Variants in DDX1 observed in about 807,000 individuals in gnomAD.
DDX1 encodes the protein DEAD-box helicase 1.
In DDX1, 28 loss-of-function variants were observed where a neutral mutation model predicts 108.7. The ratio of observed to expected loss-of-function variants is 0.26; its 90% confidence interval spans 0.19 to 0.35. DDX1 has a LOEUF of 0.35. Among genes scored for constraint, DDX1 ranks in the 10% least tolerant of loss-of-function variants. The pLI, the probability that DDX1 is intolerant of heterozygous loss-of-function variation, is 1.00. For missense variants in DDX1, 710 were observed against 884.5 expected, an observed-to-expected ratio of 0.80 and a Z score of 2.50; for synonymous variants, 295 against 288.9, an observed-to-expected ratio of 1.02 and a Z score of -0.21.
chr2:15,612,231 A>G (rs1402725670), intron 13 of DDX1, among the ~76,000 whole-genome samples: 17 of 141,616 alleles, frequency 1.2e-4, no homozygotes, highest in Non-Finnish European at 9.3e-5. Flanking sequence ...CCGGGCGGTG[A>G]CGCTCCTCAC....
chr2:15,612,411 C>T (rs577919306), intron 13 of DDX1, among the ~76,000 whole-genome samples: 3 of 151,276 alleles, frequency 2.0e-5, no homozygotes, highest in East Asian at 2.0e-4. Context: ...GATGGGATGG[C>T]GGCCGGGAAG....
At chr2:15,614,855 C>T (rs1326755193) in intron 14 of DDX1, among the ~76,000 whole-genome samples, 1 of 151,980 alleles carries the variant, frequency 6.6e-6, no homozygotes, top group African/African-American at 2.4e-5. Flanking sequence ...AAGTTTATTC[C>T]CAATCTTGCT....
chr2:15,595,197 G>T lies in DDX1; in HGVS notation c.68+1G>T. ...AAGCTGTGGAAGAGATGGATTGGCTGTAAGTACATAAAGCCTAAATGTACC... is the reference window on the plus strand; with the variant it reads ...AAGCTGTGGAAGAGATGGATTGGCTTTAAGTACATAAAGCCTAAATGTACC... On this transcript the variant is annotated splice_donor_variant, in intron 2 of 25. Coordinates refer to ENST00000233084, the MANE Select transcript of DDX1 (RefSeq NM_004939.3). LOFTEE classifies it high-confidence loss of function. 6.2e-7 allele frequency: 1 copy of T among 1,604,844 alleles called. No individual in the cohort carries two copies. The highest frequency in any genetic ancestry group is 8.5e-7 in the Non-Finnish European group (1 of 1,172,844).
At chr2:15,628,404 T>C (rs1387770323) in intron 20 of DDX1, 41 bp from the exon 21 acceptor site, 1 of 1,426,658 alleles carries the variant, frequency 7.0e-7, no homozygotes, top group Admixed American at 1.7e-5. Context: ...GTTTAGTATA[T>C]GTGCTAACAA....
At position 15,595,516 on chromosome 2, in the gene DDX1, C is replaced by T; in HGVS notation, c.95C>T (p.Ser32Phe). The T allele has an allele frequency of 6.2e-7, 1 of 1,611,550 alleles. No homozygotes were observed. Among genetic ancestry groups the T allele is most frequent in the Non-Finnish European group, 8.5e-7 (1 of 1,177,682 alleles). The change falls in exon 3 of 26, where the codon TCT becomes TTT. Residue 32 changes from serine to phenylalanine, a missense_variant. Around this residue, in one of 3 missense-constraint regions of DDX1, gnomAD observed 48 missense variants for 57.5 expected, o/e 0.83. Transcript: ENST00000233084. Reference protein sequence around the residue: ...WLLPTDIQAESIPLILGGGDV... With the variant: ...WLLPTDIQAEFIPLILGGGDV... ...CTCCCAACTGATATCCAGGCTGAATCTATCCCATTGATCTTAGGAGGAGGT... is the reference window on the plus strand; with the variant it reads ...CTCCCAACTGATATCCAGGCTGAATTTATCCCATTGATCTTAGGAGGAGGT...
At chr2:15,605,916 TGTTTTAA>T in intron 10 of DDX1, 27 bp from the exon 11 acceptor site, 1 of 1,415,300 alleles carries the variant, frequency 7.1e-7, no homozygotes, top group South Asian at 1.4e-5. Flanking sequence ...CTTTTCTGAT[TGTTTTAA>T]TCTCTCTCTC....
At chr2:15,612,217 G>T (rs899162069) in intron 13 of DDX1, among the ~76,000 whole-genome samples, 16 of 151,668 alleles carry the variant, frequency 1.1e-4, no homozygotes, top group Non-Finnish European at 1.6e-4. Context: ...GGACGGGGTG[G>T]CTGCCGGGCG....
At chr2:15,628,030 G>C (rs1210289993) in intron 20 of DDX1, among the ~76,000 whole-genome samples, 1 of 152,012 alleles carries the variant, frequency 6.6e-6, no homozygotes, top group East Asian at 1.9e-4. Context: ...AATTTTGTCT[G>C]TTACAAAAAA....
In DDX1 at chr2:15,621,125, A is replaced by G. The variant is rs757657271; in HGVS notation, c.1447+9A>G. ...TGGTGCTAATAGTCCAGGTGAGTTA[A>G]AAGAGTCAAATGTGTTGAAAGATTT... On this transcript the variant is annotated intron_variant, in intron 18 of 25. Coordinates refer to ENST00000233084, the MANE Select transcript of DDX1 (RefSeq NM_004939.3). 1 of 1,594,794 alleles carries G rather than the reference A, an allele frequency of 6.3e-7. No individual in the cohort carries two copies. Among genetic ancestry groups the G allele is most frequent in the East Asian group, 2.2e-5 (1 of 44,664 alleles).
In DDX1 at chr2:15,617,368, T is replaced by C. The variant is rs764616329; in HGVS notation, c.1116+26T>C. ...GTATGTTGAAATATAATCATACTTT[T>C]TAAAAAGTTTACTTATATTTTTTGA... On this transcript the variant is annotated intron_variant, in intron 15 of 25. Coordinates refer to ENST00000233084, the MANE Select transcript of DDX1 (RefSeq NM_004939.3). The C allele has an allele frequency of 7.9e-6, 11 of 1,390,376 alleles. No homozygotes were observed. The African/African-American group carries it at 1.2e-4, about 15-fold the overall frequency. The allele number at this position is 1,390,376 out of a possible 1,614,324, so 86.1% of individuals were successfully genotyped here.
intron 6 of DDX1, 93 bp downstream of exon 6, chr2:15,599,809 A>C: frequency 3.3e-6 from 3 of 903,986 alleles, no homozygotes; most frequent in South Asian, 3.2e-5. Flanking sequence ...TTAAGATTTA[A>C]TTTACCAGAT....
intron 19 of DDX1, among the ~76,000 whole-genome samples, chr2:15,625,859 T>C (rs1558459835): frequency 6.6e-6 from 1 of 151,852 alleles, no homozygotes; most frequent in African/African-American, 2.4e-5. Flanking sequence ...AAGAATACAT[T>C]ACACTGTTCA....
intron 10 of DDX1, among the ~76,000 whole-genome samples, 170 bp downstream of exon 10, chr2:15,604,679 G>A (rs566221943): frequency 5.9e-4 from 90 of 152,208 alleles, no homozygotes; most frequent in Non-Finnish European, 1.8e-4. Context: ...GGTAAGTACT[G>A]GAGGCACAGA....
chr2:15,608,671 T>TTG (rs1573041903), intron 13 of DDX1, among the ~76,000 whole-genome samples: 1 of 146,008 alleles, frequency 6.8e-6, no homozygotes, highest in Non-Finnish European at 1.5e-5. Flanking sequence ...AGGTTTTTTT[T>TTG]TTTTTTTTTT....
chr2:15,605,933 C>A lies in DDX1; in HGVS notation c.626-17C>A. On this transcript the variant is annotated splice_polypyrimidine_tract_variant and intron_variant, in intron 10 of 25. Coordinates refer to ENST00000233084, the MANE Select transcript of DDX1 (RefSeq NM_004939.3). Reference sequence around the variant, plus strand: ...TTTCTGATTGTTTTAATCTCTCTCTCTCTCTTGTTTTTTAAGGAAAAGATC... The same window carrying A: ...TTTCTGATTGTTTTAATCTCTCTCTATCTCTTGTTTTTTAAGGAAAAGATC... 2.0e-6 allele frequency: 3 copies of A among 1,516,242 alleles called. No individual in the cohort carries two copies. The highest frequency in any genetic ancestry group is 2.7e-6 in the Non-Finnish European group (3 of 1,127,512). 93.9% of individuals were successfully genotyped at this position (1,516,242 alleles called of 1,614,324 possible).
chr2:15,613,263 G>C lies in DDX1; in HGVS notation c.996G>C (p.Gln332His), dbSNP rs1226747930. 3 of 1,606,552 alleles carry C rather than the reference G, an allele frequency of 1.9e-6. No individual in the cohort carries two copies. Among genetic ancestry groups the C allele is most frequent in the Non-Finnish European group, 2.5e-6 (3 of 1,176,902 alleles). ...TTGGAGGTGTTGCAGCCCGGGATCA[G>C]CTCTCTGTTTTGGAAAATGGAGTAA... ...LIIGGVAARD[Q>H]LSVLENGVDI... The change falls in exon 14 of 26, where the codon CAG (glutamine) becomes CAC (histidine). Residue 332 changes from glutamine to histidine, a missense_variant. This residue lies in a region of DDX1 where 661 missense variants were observed against 810.2 expected (regional missense o/e 0.82). Transcript: ENST00000233084.
In DDX1 at chr2:15,603,246, GGT is replaced by G; in HGVS notation, c.447_448del (p.Trp149CysfsTer12). The stretch of plus-strand genomic sequence containing the variant: ...GACCAAGGGTTATGCAGGGTCGGGT[GGT>G]CTACCATGCAGGCCTCTTTGGACCT... On this transcript the variant is annotated frameshift_variant, in exon 8 of 26. Transcript: ENST00000233084. LOFTEE classifies it high-confidence loss of function. 1 of 1,613,384 alleles carries G rather than the reference GGT, an allele frequency of 6.2e-7. No homozygotes were observed. The highest frequency in any genetic ancestry group is 8.5e-7 in the Non-Finnish European group (1 of 1,179,554).
intron 13 of DDX1, among the ~76,000 whole-genome samples, chr2:15,607,706 T>C (rs1665688014): frequency 6.6e-6 from 1 of 152,016 alleles, no homozygotes; most frequent in African/African-American, 2.4e-5. Context: ...CCCACTTGAG[T>C]AGTTGGGACT....
intron 3 of DDX1, among the ~76,000 whole-genome samples, chr2:15,596,024 A>G (rs1157981909): frequency 1.3e-5 from 2 of 152,110 alleles, no homozygotes; most frequent in African/African-American, 2.4e-5. Flanking sequence ...AGGTGGGACT[A>G]CAGGTACACA....
Sources: allele counts gnomAD v4.1 joint callset (sites outside exome capture counted in the v4.1 genomes callset), GRCh38; gene constraint gnomAD v4.1.1; regional missense constraint gnomAD v4.1.1; transcripts MANE v1.5; gene names NCBI Gene and HGNC (gene_info 2026-07-23, HGNC 2026-07-21).